The following VEZT variants were observed in gnomAD, a reference collection of about 807,000 sequenced individuals.
VEZT encodes the protein vezatin, adherens junctions transmembrane protein, also known as vezatin.
A neutral mutation model predicts 79.9 loss-of-function variants in VEZT; 39 were observed. The ratio of observed to expected loss-of-function variants is 0.49; its 90% confidence interval spans 0.38 to 0.64. The LOEUF (loss-of-function observed/expected upper bound fraction) is 0.64, where lower values mean the gene tolerates loss of function less well. Among genes scored for constraint, VEZT ranks in the 30% least tolerant of loss-of-function variants. The pLI, the probability that VEZT is intolerant of heterozygous loss-of-function variation, is 0.00. For synonymous variants in VEZT, 325 were observed against 327.6 expected (o/e 0.99, Z 0.09); for missense variants, 837 against 893.1 (o/e 0.94, Z 0.80).
intron 9 of VEZT, among the ~76,000 whole-genome samples, chr12:95,291,076 G>A (rs931852684): frequency 1.3e-5 from 2 of 151,960 alleles, no homozygotes; most frequent in East Asian, 3.9e-4. Flanking sequence ...ACCAGCTTGG[G>A]CAATATGGCA....
intron 2 of VEZT, among the ~76,000 whole-genome samples, chr12:95,253,942 TATC>T (rs1402578991): frequency 1.3e-5 from 2 of 152,016 alleles, no homozygotes; most frequent in African/African-American, 4.8e-5. Flanking sequence ...TCAAAAAAAT[TATC>T]ATATGTCTAG....
intron 1 of VEZT, among the ~76,000 whole-genome samples, chr12:95,236,405 A>T (rs1444419987): frequency 6.6e-6 from 1 of 152,048 alleles, no homozygotes; most frequent in Non-Finnish European, 1.5e-5. Context: ...CATCAGAGGG[A>T]GACCGTGGAA....
At chr12:95,224,607 C>T (rs1314049301) in intron 1 of VEZT, among the ~76,000 whole-genome samples, 1 of 152,186 alleles carries the variant, frequency 6.6e-6, no homozygotes, top group Non-Finnish European at 1.5e-5. Flanking sequence ...TTTCATTCAA[C>T]TTAGATCTCA....
chr12:95,256,545 T>C, intron 2 of VEZT: 7 of 1,281,400 alleles, frequency 5.5e-6, no homozygotes, highest in Non-Finnish European at 7.1e-6. Context: ...CATGACCCTT[T>C]GCAGTACCTG....
At chr12:95,235,742 G>A (rs1432712104) in intron 1 of VEZT, among the ~76,000 whole-genome samples, 4 of 151,926 alleles carry the variant, frequency 2.6e-5, no homozygotes, top group Non-Finnish European at 5.9e-5. Flanking sequence ...TCCCGGACGG[G>A]GTGGTTGCCG....
At chr12:95,219,526 A>T (rs942185709) in intron 1 of VEZT, among the ~76,000 whole-genome samples, 6 of 152,188 alleles carry the variant, frequency 3.9e-5, no homozygotes, top group African/African-American at 1.2e-4. Flanking sequence ...ATCTTTTCCC[A>T]TTCATCATTC....
intron 3 of VEZT, among the ~76,000 whole-genome samples, chr12:95,260,465 T>C (rs1303742397): frequency 6.6e-6 from 1 of 152,060 alleles, no homozygotes; most frequent in Non-Finnish European, 1.5e-5. Flanking sequence ...TCTAAGCACG[T>C]TGGTTTTGGG....
intron 1 of VEZT, among the ~76,000 whole-genome samples, chr12:95,239,662 T>C (rs2060625270): frequency 6.6e-6 from 1 of 151,698 alleles, no homozygotes; most frequent in South Asian, 2.1e-4. Flanking sequence ...ACAGAATAAG[T>C]GACATAAGGC....
chr12:95,234,696 T>C (rs1351894932), intron 1 of VEZT, among the ~76,000 whole-genome samples: 4 of 152,122 alleles, frequency 2.6e-5, no homozygotes, highest in South Asian at 2.1e-4. Context: ...TTTTAATTGA[T>C]CATTCTTGGG....
intron 1 of VEZT, among the ~76,000 whole-genome samples, chr12:95,224,998 C>T (rs12302691): frequency 0.11 from 17,173 of 152,172 alleles, 1,263 homozygotes; most frequent in East Asian, 0.16. Context: ...TGACAGGAGG[C>T]GGAGCTCTGA....
intron 1 of VEZT, among the ~76,000 whole-genome samples, chr12:95,250,991 A>G (rs1593419014): frequency 6.6e-6 from 1 of 151,998 alleles, no homozygotes; most frequent in Admixed American, 6.6e-5. Context: ...CAGAGTCGGG[A>G]TTTGAATCTG....
intron 9 of VEZT, chr12:95,290,908 C>T (rs140048022): frequency 1.2e-4 from 18 of 152,068 alleles, no homozygotes; most frequent in African/African-American, 3.6e-4. Flanking sequence ...TAGGTTATAA[C>T]TTTGGCATTA....
At chr12:95,225,750 T>G (rs2058342759) in intron 1 of VEZT, among the ~76,000 whole-genome samples, 1 of 113,126 alleles carries the variant, frequency 8.8e-6, no homozygotes. Context: ...CTCCACAGCT[T>G]TGTTTCATAG....
At chr12:95,225,556 CAAACAAAACAAAACAAAACA>C (rs543072496) in intron 1 of VEZT, among the ~76,000 whole-genome samples, 3 of 151,514 alleles carry the variant, frequency 2.0e-5, no homozygotes, top group Non-Finnish European at 4.4e-5. Flanking sequence ...GACTCTGTCT[CAAACAAAACAAAACAAAACA>C]AAACAAAACA....
At chr12:95,269,311 A>G (rs2066154506) in intron 5 of VEZT, among the ~76,000 whole-genome samples, 1 of 152,196 alleles carries the variant, frequency 6.6e-6, no homozygotes, top group African/African-American at 2.4e-5. Context: ...GGGAAGTGCC[A>G]TGAAATGTGC....
intron 1 of VEZT, among the ~76,000 whole-genome samples, chr12:95,219,922 G>A (rs903461301): frequency 6.6e-6 from 1 of 151,882 alleles, no homozygotes; most frequent in East Asian, 1.9e-4. Context: ...CTTCATATTT[G>A]TTGCTCATTT....
intron 1 of VEZT, among the ~76,000 whole-genome samples, chr12:95,245,945 C>T (rs576429047): frequency 6.6e-6 from 1 of 152,338 alleles, no homozygotes; most frequent in South Asian, 2.1e-4. Context: ...TGCCATTGCA[C>T]TCCAGCCTGG....
intron 1 of VEZT, among the ~76,000 whole-genome samples, chr12:95,251,673 T>C (rs1386303954): frequency 1.3e-5 from 2 of 152,210 alleles, no homozygotes; most frequent in Admixed American, 6.5e-5. Context: ...CCTAAATTCA[T>C]TTTTTCTTGC....
Position 95,288,940 on chromosome 12 carries a change from C to T in VEZT, c.1522+1083C>T, listed in dbSNP as rs1227789708. Among the ~76,000 whole-genome samples, 7 of 151,700 alleles carry T rather than the reference C, an allele frequency of 4.6e-5. No individual in the cohort carries two copies. In the East Asian group the frequency reaches 5.8e-4, roughly 13 times the overall value. ...TTAAAAGATGCATCCTGGCCAGGCA[C>T]GGTGATGGGAGTAGCTGTTACCCAG... On this transcript the variant is annotated intron_variant, in intron 9 of 11. Coordinates refer to ENST00000436874, the MANE Select transcript of VEZT (RefSeq NM_017599.4).
Sources: gnomAD v4.1 joint callset for allele counts (sites outside exome capture counted in the v4.1 genomes callset) on GRCh38, gnomAD v4.1.1 for gene constraint, MANE v1.5 for transcripts, NCBI Gene and HGNC (gene_info 2026-07-23, HGNC 2026-07-21) for gene names.